The following FYCO1 variants were observed in gnomAD, a reference collection of about 807,000 sequenced individuals.
FYCO1 encodes FYVE and coiled-coil domain-containing protein 1.
FYCO1 carries 122 observed loss-of-function variants against 165.1 expected under a neutral mutation model. The ratio of observed to expected loss-of-function variants is 0.74; its 90% CI spans 0.64 to 0.86. The LOEUF (loss-of-function observed/expected upper bound fraction) is 0.86. Ranked by LOEUF, FYCO1 falls within the 40% of genes least tolerant of loss-of-function variation. The pLI is 0.00. For missense variants in FYCO1, 1,702 were observed against 1,810.3 expected, an observed-to-expected ratio of 0.94 and a Z score of 1.09; for synonymous variants, 648 against 742.5, an observed-to-expected ratio of 0.87 and a Z score of 2.07.
At chr3:45,946,974 C>T in intron 14 of FYCO1, 1 of 1,614,190 alleles carries the variant, frequency 6.2e-7, no homozygotes, top group African/African-American at 1.3e-5. Context: ...GGTTTCCTTG[C>T]CCCAAATTAT....
At position 45,964,616 on chromosome 3, in the gene FYCO1, G is replaced by T; in HGVS notation, c.3151-162C>A. 1 of 926,078 alleles carries T rather than the reference G, an allele frequency of 1.1e-6. No individual in the cohort carries two copies. The highest frequency in any genetic ancestry group is 1.3e-6 in the Non-Finnish European group (1 of 775,734). 57.4% of individuals were successfully genotyped at this position (926,078 alleles called of 1,614,324 possible). A position where few individuals can be genotyped will look rare whatever the true frequency, so the allele number is the denominator to read the frequency against. ...GGCCATGAACCTCTGCTCTATATTT[G>T]TGGGGCCTCAACTGCAACTAGTTGT... On this transcript the variant is annotated intron_variant, in intron 9 of 17. Transcript: ENST00000296137. This position sits in a 1 kb window ranked among gnomAD's most constrained non-coding sequence, Gnocchi z 4.1.
At position 45,965,131 on chromosome 3, in the gene FYCO1, G is replaced by A. The variant is rs1705928159; in HGVS notation, c.3058-6C>T. On this transcript the variant is annotated splice_polypyrimidine_tract_variant and splice_region_variant and intron_variant, in intron 8 of 17. Coordinates refer to ENST00000296137, the MANE Select transcript of FYCO1 (RefSeq NM_024513.4). ...TTGCACTCTTCACCAGCATTCTAGA[G>A]AGGACAAGAAAGAAAGAGGACATAA... 1 of 1,611,906 alleles carries A rather than the reference G, an allele frequency of 6.2e-7. No individual in the cohort carries two copies. Among genetic ancestry groups the A allele is most frequent in the African/African-American group, 1.3e-5 (1 of 74,906 alleles).
At chr3:45,983,283 C>G (rs983473795) in intron 2 of FYCO1, among the ~76,000 whole-genome samples, 2 of 152,206 alleles carry the variant, frequency 1.3e-5, no homozygotes, top group African/African-American at 4.8e-5. Context: ...AAGTGGGCTG[C>G]CCTGCAGAGG....
chr3:45,956,818 C>T (rs1247999217), intron 13 of FYCO1, among the ~76,000 whole-genome samples: 1 of 151,996 alleles, frequency 6.6e-6, no homozygotes, highest in Non-Finnish European at 1.5e-5. Flanking sequence ...GTCAATTCTC[C>T]CCAAACTGAA....
chr3:45,994,079 C>G (rs1383723475), intron 1 of FYCO1, among the ~76,000 whole-genome samples: 1 of 152,068 alleles, frequency 6.6e-6, no homozygotes, highest in Non-Finnish European at 1.5e-5. Context: ...GGGGCCATCC[C>G]CCTCAAAAAG....
intron 6 of FYCO1, 37 bp downstream of exon 6, chr3:45,973,051 T>G: frequency 6.2e-7 from 1 of 1,613,170 alleles, no homozygotes; most frequent in East Asian, 2.2e-5. Context: ...AAATGTCTCT[T>G]TTCCTGTCTT....
At chr3:45,987,606 CA>C (rs34044394) in intron 1 of FYCO1, among the ~76,000 whole-genome samples, 13,476 of 152,210 alleles carry the variant, frequency 0.089, 989 homozygotes, top group South Asian at 0.34. Context: ...TGGCTGCTGC[CA>C]ACACAGAGGA....
intron 4 of FYCO1, among the ~76,000 whole-genome samples, chr3:45,976,370 G>C (rs138759246): frequency 1.8e-3 from 277 of 152,348 alleles, no homozygotes; most frequent in African/African-American, 6.3e-3. Context: ...AATGGCCAAG[G>C]CGGATGGAAT....
chr3:45,947,404 G>A (rs1704690719), intron 14 of FYCO1: 3 of 1,614,096 alleles, frequency 1.9e-6, no homozygotes, highest in Non-Finnish European at 1.7e-6. Flanking sequence ...GACATTGGTT[G>A]CCTCCCTTAC....
rs768418444 is a variant in FYCO1 at position 45,921,799 on chromosome 3, C to T, written c.4403G>A (p.Arg1468Gln). Residue 1468 changes from arginine (R) to glutamine (Q), a missense_variant, in exon 18 of 18, where the codon CGG (arginine) becomes CAG (glutamine). Transcript: ENST00000296137. Reference sequence around the variant, plus strand: ...ATCACTTCCATCGTAGATCACAGGCCGATCAACCGTCAAGTGATAAAATAC... The same window carrying T: ...ATCACTTCCATCGTAGATCACAGGCTGATCAACCGTCAAGTGATAAAATAC... ...KKVFYHLTVDRPVIYDGSDFL is the reference protein window; with the variant it reads ...KKVFYHLTVDQPVIYDGSDFL 3.1e-6 allele frequency: 5 copies of T among 1,612,972 alleles called. No individual in the cohort carries two copies. The highest frequency in any genetic ancestry group is 4.2e-6 in the Non-Finnish European group (5 of 1,178,946).
chr3:45,959,074 C>T (rs541742162), intron 12 of FYCO1, among the ~76,000 whole-genome samples: 1 of 152,350 alleles, frequency 6.6e-6, no homozygotes, highest in South Asian at 2.1e-4. Flanking sequence ...TGCTGGCTTC[C>T]AGTAATGCTG....
At chr3:45,947,461 C>G in intron 14 of FYCO1, 2 of 1,614,172 alleles carry the variant, frequency 1.2e-6, no homozygotes, top group Non-Finnish European at 1.7e-6. Flanking sequence ...AATTCCAAGA[C>G]TTTTTCTGCC....
At position 45,964,567 on chromosome 3, in the gene FYCO1, G is replaced by C. The variant is rs1381353894; in HGVS notation, c.3151-113C>G. 1.3e-6 allele frequency: 2 copies of C among 1,550,318 alleles called. No homozygotes were observed. Among genetic ancestry groups the C allele is most frequent in the African/African-American group, 2.7e-5 (2 of 73,368 alleles). On this transcript the variant is annotated intron_variant, in intron 9 of 17. Transcript: ENST00000296137. The surrounding 1 kb of genome is among the most constrained non-coding windows in gnomAD (Gnocchi z 4.1). ...CTGGCTGGGTCACTTCTAAATGGAG[G>C]GTTGTTTCCTATTAAGTTCAAGAGG... is the stretch of plus-strand genomic sequence containing the variant.
rs1274854678 is a variant in FYCO1 at position 45,921,768 on chromosome 3, C to T, written c.4434G>A (p.Leu1478=). 13 of 1,602,410 alleles carry T rather than the reference C, an allele frequency of 8.1e-6. No individual in the cohort carries two copies. Among genetic ancestry groups the T allele is most frequent in the Admixed American group, 1.7e-5 (1 of 60,004 alleles). Residue 1478 remains leucine (L), a synonymous_variant, in exon 18 of 18, where the codon CTG becomes CTA. Transcript: ENST00000296137. ...TGAAGTTACTGAGGTGCTGAAGCTACAGGAAATCACTTCCATCGTAGATCA... is the reference window on the plus strand; with the variant it reads ...TGAAGTTACTGAGGTGCTGAAGCTATAGGAAATCACTTCCATCGTAGATCA... ...RPVIYDGSDF[L]
chr3:45,920,888 A>G lies in FYCO1; in HGVS notation c.*877T>C, dbSNP rs1703066999. 6.5e-6 allele frequency: 1 copy of G among 152,714 alleles called. No homozygotes were observed. The highest frequency in any genetic ancestry group is 1.5e-5 in the Non-Finnish European group (1 of 68,096). The allele number at this position is 152,714 out of a possible 1,614,324, so 9.5% of individuals were successfully genotyped here. A position where few individuals can be genotyped will look rare whatever the true frequency, so the allele number is the denominator to read the frequency against. ...AACAAAAGTGGGCCATCAGCTGAGGAGTAGCTCTAAAGCCAATGCACAATC... is the reference window on the plus strand; with the variant it reads ...AACAAAAGTGGGCCATCAGCTGAGGGGTAGCTCTAAAGCCAATGCACAATC... On this transcript the variant is annotated 3_prime_UTR_variant, in exon 18 of 18. Coordinates refer to ENST00000296137, the MANE Select transcript of FYCO1 (RefSeq NM_024513.4).
intron 14 of FYCO1, chr3:45,947,449 A>G: frequency 1.2e-6 from 2 of 1,614,206 alleles, no homozygotes; most frequent in South Asian, 2.2e-5. Flanking sequence ...TCTTCTGAGG[A>G]CAATTCCAAG....
At chr3:45,951,395 T>C (rs767541209) in intron 14 of FYCO1, among the ~76,000 whole-genome samples, 9 of 152,288 alleles carry the variant, frequency 5.9e-5, no homozygotes, top group Non-Finnish European at 8.8e-5. Flanking sequence ...AGACCAGGTA[T>C]GTTTGGTTCT....
chr3:45,992,580 T>C (rs1264368826), intron 1 of FYCO1, among the ~76,000 whole-genome samples: 1 of 152,222 alleles, frequency 6.6e-6, no homozygotes, highest in Non-Finnish European at 1.5e-5. Flanking sequence ...TTTTAGGCAC[T>C]CTATCTGTCC....
intron 14 of FYCO1, chr3:45,947,426 A>C (rs1704693565): frequency 6.2e-7 from 1 of 1,614,064 alleles, no homozygotes; most frequent in Non-Finnish European, 8.5e-7. Context: ...TTGGGGTCTC[A>C]CATCAATGGA....
Sources: gnomAD v4.1 joint callset for allele counts (sites outside exome capture counted in the v4.1 genomes callset) on GRCh38, gnomAD v4.1.1 for gene constraint, Gnocchi (gnomAD v3.1) non-coding constraint, MANE v1.5 for transcripts, NCBI Gene and HGNC (gene_info 2026-07-23, HGNC 2026-07-21) for gene names.